The following KLF13 variants were observed in gnomAD, a reference collection of about 807,000 sequenced individuals.
KLF13 encodes KLF transcription factor 13.
In KLF13, 8 loss-of-function variants were observed where a neutral mutation model predicts 16.7. The observed-to-expected ratio is 0.48, with a 90% confidence interval of 0.28 to 0.87. KLF13 has a LOEUF of 0.87. Among genes scored for constraint, KLF13 ranks in the 40% least tolerant of loss-of-function variants. KLF13 has a pLI of 0.10. For missense variants in KLF13, 447 were observed against 452.2 expected, an observed-to-expected ratio of 0.99 and a Z score of 0.10; for synonymous variants, 245 against 208.4, an observed-to-expected ratio of 1.18 and a Z score of -1.51.
At chr15:31,333,962 A>T (rs1228031580) in intron 1 of KLF13, among the ~76,000 whole-genome samples, 2 of 148,618 alleles carry the variant, frequency 1.3e-5, no homozygotes, top group African/African-American at 2.5e-5. Context: ...TGGGGGGGGG[A>T]GGGCATGGGA....
chr15:31,413,206 A>AAAAAAAAAAAAAAAAC (rs1566843740), intron 1 of KLF13, among the ~76,000 whole-genome samples: 3 of 145,448 alleles, frequency 2.1e-5, no homozygotes, highest in Admixed American at 7.1e-5. Context: ...AAAAAAACAA[A>AAAAAAAAAAAAAAAAC]AAACAAAAAA....
In KLF13 at chr15:31,376,017, C is replaced by T. The variant is rs1240407406; in HGVS notation, c.*3718C>T. ...TCCTTGCAGCACCCTGAACACAGCTCAGACCAGTGAGGGGTGATTCAGAGG... is the reference window on the plus strand; with the variant it reads ...TCCTTGCAGCACCCTGAACACAGCTTAGACCAGTGAGGGGTGATTCAGAGG... On this transcript the variant is annotated 3_prime_UTR_variant, in exon 2 of 2. Coordinates refer to ENST00000307145, the MANE Select transcript of KLF13 (RefSeq NM_015995.4). 6.6e-6 allele frequency: 1 copy of T among 152,592 alleles called. No homozygotes were observed. Among genetic ancestry groups the T allele is most frequent in the Non-Finnish European group, 1.5e-5 (1 of 68,076 alleles). 9.5% of individuals were successfully genotyped at this position (152,592 alleles called of 1,614,324 possible). A position where few individuals can be genotyped will look rare whatever the true frequency, so the allele number is the denominator to read the frequency against.
chr15:31,366,552 C>A (rs952830905), intron 1 of KLF13: 3 of 152,332 alleles, frequency 2.0e-5, no homozygotes, highest in African/African-American at 7.2e-5. Context: ...AGCTCCTGTC[C>A]TGGTGAGTCC....
exon 3 of KLF13, chr15:31,404,048 C>T (rs1357127096): frequency 6.6e-6 from 1 of 152,250 alleles, no homozygotes; most frequent in Admixed American, 6.5e-5. Context: ...CTGAACACCC[C>T]GTTTGCTTCC....
chr15:31,363,772 C>G (rs2039423049), intron 1 of KLF13, among the ~76,000 whole-genome samples: 1 of 152,242 alleles, frequency 6.6e-6, no homozygotes, highest in Non-Finnish European at 1.5e-5. Flanking sequence ...AGGCATGAGC[C>G]ACCATGCCCA....
chr15:31,360,087 A>G (rs961417883), intron 1 of KLF13, among the ~76,000 whole-genome samples: 4 of 152,056 alleles, frequency 2.6e-5, no homozygotes, highest in African/African-American at 9.7e-5. Context: ...GGTCACTCCA[A>G]CCTTGAAGCT....
downstream of KLF13, among the ~76,000 whole-genome samples, chr15:31,408,727 A>G (rs2040157588): frequency 6.6e-6 from 1 of 152,236 alleles, no homozygotes; most frequent in Non-Finnish European, 1.5e-5. Context: ...GAACTATCGG[A>G]CAGGGAACTT....
chr15:31,383,768 G>T (rs1299970987), intron 1 of KLF13, among the ~76,000 whole-genome samples: 1 of 152,172 alleles, frequency 6.6e-6, no homozygotes, highest in Non-Finnish European at 1.5e-5. Context: ...TGGGCGTGGT[G>T]GTGGGCGCCT....
At chr15:31,422,344 C>G (rs945102690) in intron 1 of KLF13, among the ~76,000 whole-genome samples, 9 of 152,054 alleles carry the variant, frequency 5.9e-5, no homozygotes, top group African/African-American at 2.2e-4. Context: ...CCTCGGGAAA[C>G]TTACAATCAC....
intron 1 of KLF13, among the ~76,000 whole-genome samples, chr15:31,417,588 C>G (rs971208739): frequency 3.3e-5 from 5 of 151,732 alleles, no homozygotes; most frequent in Non-Finnish European, 5.9e-5. Context: ...GTTGCCCAGG[C>G]TGGAGTGCAA....
In KLF13 at chr15:31,372,307, A is replaced by ACAGCCATGAGCAGCCGCTCCCACCC; in HGVS notation, c.*10_*34dup. The ACAGCCATGAGCAGCCGCTCCCACCC allele has an allele frequency of 6.8e-7, 1 of 1,466,282 alleles. No homozygotes were observed. The highest frequency in any genetic ancestry group is 9.0e-7 in the Non-Finnish European group (1 of 1,113,224). 90.8% of individuals were successfully genotyped at this position (1,466,282 alleles called of 1,614,324 possible). A position where few individuals can be genotyped will look rare whatever the true frequency, so the allele number is the denominator to read the frequency against. On this transcript the variant is annotated 3_prime_UTR_variant, in exon 2 of 2. Coordinates refer to ENST00000307145, the MANE Select transcript of KLF13 (RefSeq NM_015995.4). ...CCGGCCAGCTCGCCCTGAGCCCGCC[A>ACAGCCATGAGCAGCCGCTCCCACCC]CAGCCATGAGCAGCCGCTCCCACCC...
chr15:31,342,958 G>C lies in KLF13; in HGVS notation c.577+15169G>C, dbSNP rs376647327. 1.4e-4 allele frequency among the ~76,000 whole-genome samples: 22 copies of C among 152,354 alleles called. No individual in the cohort carries two copies. In the East Asian group the frequency reaches 4.1e-3, roughly 28 times the overall value. ...GGCCTTCCTCGCTCTCCCGGCGTCT[G>C]ATTGCTCCGTGGACACTTGTGCCTG... On this transcript the variant is annotated intron_variant, in intron 1 of 1. Coordinates refer to ENST00000307145, the MANE Select transcript of KLF13 (RefSeq NM_015995.4).
At chr15:31,350,126 C>T (rs910227904) in intron 1 of KLF13, among the ~76,000 whole-genome samples, 1 of 152,210 alleles carries the variant, frequency 6.6e-6, no homozygotes, top group African/African-American at 2.4e-5. Context: ...GAGAGTAGTA[C>T]AGCATGCGGC....
intron 1 of KLF13, among the ~76,000 whole-genome samples, chr15:31,348,089 C>A (rs2039154341): frequency 6.6e-6 from 1 of 152,192 alleles, no homozygotes; most frequent in African/African-American, 2.4e-5. Flanking sequence ...GGCCTCGAAC[C>A]CCAGGTGTTC....
chr15:31,368,983 T>C (rs182469603), intron 1 of KLF13, among the ~76,000 whole-genome samples: 1 of 152,258 alleles, frequency 6.6e-6, no homozygotes, highest in African/African-American at 2.4e-5. Flanking sequence ...ATAAATGAAC[T>C]GTATTTTACT....
intron 2 of KLF13, among the ~76,000 whole-genome samples, chr15:31,402,180 A>C (rs1021761688): frequency 2.0e-5 from 3 of 152,208 alleles, no homozygotes; most frequent in African/African-American, 4.8e-5. Flanking sequence ...CGGGCATGGG[A>C]GCCACAGATG....
At chr15:31,349,514 C>A (rs2039182916) in intron 1 of KLF13, among the ~76,000 whole-genome samples, 2 of 152,224 alleles carry the variant, frequency 1.3e-5, no homozygotes, top group Admixed American at 6.5e-5. Context: ...TAACATGAGT[C>A]TCTGGGACCC....
intron 1 of KLF13, among the ~76,000 whole-genome samples, chr15:31,328,212 C>T (rs550993068): frequency 6.6e-6 from 1 of 150,978 alleles, no homozygotes; most frequent in Admixed American, 6.6e-5. Flanking sequence ...GGGGTCCCTC[C>T]TCGTTTCCTC....
At chr15:31,415,420 T>C (rs996373509) in intron 1 of KLF13, among the ~76,000 whole-genome samples, 1 of 152,168 alleles carries the variant, frequency 6.6e-6, no homozygotes, top group Non-Finnish European at 1.5e-5. Flanking sequence ...TTAACAGAAT[T>C]GAAATAATAC....
Sources: allele counts gnomAD v4.1 joint callset (sites outside exome capture counted in the v4.1 genomes callset), GRCh38; gene constraint gnomAD v4.1.1; transcripts MANE v1.5; gene names NCBI Gene and HGNC (gene_info 2026-07-23, HGNC 2026-07-21).